Variants in GRM8 observed in about 807,000 individuals in gnomAD.
GRM8 encodes glutamate metabotropic receptor 8.
GRM8 carries 47 observed loss-of-function variants against 87.2 expected under a neutral mutation model. That is an observed-to-expected ratio of 0.54 (90% confidence interval 0.43 to 0.69). The LOEUF (loss-of-function observed/expected upper bound fraction) is 0.69, where lower values mean the gene tolerates loss of function less well. Among genes scored for constraint, GRM8 ranks in the 30% least tolerant of loss-of-function variants. The pLI is 0.00. For synonymous variants in GRM8, 396 were observed against 404.5 expected (o/e 0.98, Z 0.25); for missense variants, 1,019 against 1,139.2 (o/e 0.89, Z 1.52).
chr7:126,834,108 G>T (rs1178013854), intron 6 of GRM8, among the ~76,000 whole-genome samples: 3 of 152,156 alleles, frequency 2.0e-5, no homozygotes, highest in African/African-American at 7.2e-5. Flanking sequence ...GCCAACAGAG[G>T]TGCTCCCACA....
At chr7:127,184,253 C>T (rs542883270) in intron 2 of GRM8, among the ~76,000 whole-genome samples, 1 of 151,858 alleles carries the variant, frequency 6.6e-6, no homozygotes, top group East Asian at 1.9e-4. Flanking sequence ...TAAAAATCCT[C>T]AACATATTAG....
intron 3 of GRM8, among the ~76,000 whole-genome samples, chr7:126,935,159 G>A (rs2131478070): frequency 6.6e-6 from 1 of 152,238 alleles, no homozygotes; most frequent in Admixed American, 6.5e-5. Flanking sequence ...GGAAATCTCA[G>A]TAGAATGCAA....
intron 7 of GRM8, among the ~76,000 whole-genome samples, chr7:126,630,652 T>G (rs1801166215): frequency 1.3e-5 from 2 of 151,996 alleles, no homozygotes; most frequent in Admixed American, 1.3e-4. Context: ...GCAAACTGAA[T>G]CCAGCAGCAC....
rs17865430 is a variant in GRM8 at position 126,985,672 on chromosome 7, C to T, written c.728-80989G>A. 9.4e-3 allele frequency among the ~76,000 whole-genome samples: 1,432 copies of T among 152,262 alleles called. 29 individuals carry two copies. Among genetic ancestry groups the T allele is most frequent in the African/African-American group, 0.033 (1,363 of 41,552 alleles). On this transcript the variant is annotated intron_variant, in intron 3 of 10. Transcript: ENST00000339582. ...CTCAAGGCAGTGCAGGGCAGGGCAT[C>T]ACATGGGGAGGAAACTGAGCATGCT...
chr7:126,563,000 C>T (rs1039234887), intron 8 of GRM8, among the ~76,000 whole-genome samples: 3 of 152,140 alleles, frequency 2.0e-5, no homozygotes, highest in Non-Finnish European at 2.9e-5. Context: ...ATTATTATAA[C>T]AAATGTATCC....
chr7:126,867,665 T>C (rs991280744), intron 6 of GRM8, among the ~76,000 whole-genome samples: 1 of 151,562 alleles, frequency 6.6e-6, no homozygotes. Context: ...AAAATAACAA[T>C]AATGCCAACA....
At chr7:127,005,472 G>T (rs762121741) in intron 3 of GRM8, among the ~76,000 whole-genome samples, 21 of 151,560 alleles carry the variant, frequency 1.4e-4, no homozygotes, top group Non-Finnish European at 2.5e-4. Context: ...CTAATTGATG[G>T]TTATGATATA....
chr7:127,004,477 A>G (rs1003339754), intron 3 of GRM8, among the ~76,000 whole-genome samples: 4 of 151,748 alleles, frequency 2.6e-5, no homozygotes, highest in Admixed American at 2.6e-4. Context: ...GATAGGTAAG[A>G]CAATAAATGT....
intron 6 of GRM8, among the ~76,000 whole-genome samples, chr7:126,847,922 G>A (rs1796854677): frequency 6.6e-6 from 1 of 152,154 alleles, no homozygotes; most frequent in Admixed American, 6.6e-5. Context: ...AAGACTTAAA[G>A]TGACATCATG....
intron 3 of GRM8, among the ~76,000 whole-genome samples, chr7:127,017,846 TTAAA>T (rs1370557841): frequency 6.6e-6 from 1 of 151,964 alleles, no homozygotes; most frequent in Non-Finnish European, 1.5e-5. Context: ...ACGAAAATAC[TTAAA>T]TAATGCTTAA....
intron 6 of GRM8, among the ~76,000 whole-genome samples, chr7:126,840,844 C>T (rs1189048332): frequency 6.6e-6 from 1 of 152,122 alleles, no homozygotes; most frequent in Non-Finnish European, 1.5e-5. Flanking sequence ...GAGGTTAGAG[C>T]TTGTTTTTAT....
chr7:126,455,859 C>T (rs913631367), intron 9 of GRM8, among the ~76,000 whole-genome samples: 1 of 151,368 alleles, frequency 6.6e-6, no homozygotes, highest in Non-Finnish European at 1.5e-5. Context: ...AACTGACAAC[C>T]AAGAATTAGC....
chr7:126,621,997 C>A (rs1220935286), intron 7 of GRM8, among the ~76,000 whole-genome samples: 1 of 152,158 alleles, frequency 6.6e-6, no homozygotes, highest in Non-Finnish European at 1.5e-5. Flanking sequence ...CCTCTATTCT[C>A]TTGCGCTTCT....
intron 6 of GRM8, among the ~76,000 whole-genome samples, chr7:126,819,275 TAC>T (rs3038867): frequency 1.6e-4 from 23 of 148,276 alleles, no homozygotes; most frequent in Middle Eastern, 3.5e-3. Context: ...CAGACACACA[TAC>T]ACACACACAC....
chr7:126,690,008 CTG>C (rs1479053292), intron 7 of GRM8, among the ~76,000 whole-genome samples: 2 of 152,142 alleles, frequency 1.3e-5, no homozygotes, highest in Admixed American at 6.5e-5. Context: ...AAAAGATAAA[CTG>C]TGTGTAAATA....
chr7:126,654,920 T>A (rs903221851), intron 7 of GRM8, among the ~76,000 whole-genome samples: 1 of 151,946 alleles, frequency 6.6e-6, no homozygotes, highest in Non-Finnish European at 1.5e-5. Context: ...AAGAAAAAAA[T>A]TACTATGCCA....
chr7:126,763,470 T>C (rs62479781), intron 7 of GRM8, among the ~76,000 whole-genome samples: 2,933 of 45,652 alleles, frequency 0.064, 115 homozygotes, highest in African/African-American at 0.18. Context: ...TATATATATA[T>C]ATACACACAC....
chr7:126,582,252 T>C (rs1042557491), intron 8 of GRM8, among the ~76,000 whole-genome samples: 1 of 152,174 alleles, frequency 6.6e-6, no homozygotes, highest in African/African-American at 2.4e-5. Context: ...GAGAAAGTTT[T>C]AGTGGTCTGG....
chr7:127,194,422 T>G (rs972636879), intron 2 of GRM8, among the ~76,000 whole-genome samples: 1 of 152,188 alleles, frequency 6.6e-6, no homozygotes, highest in African/African-American at 2.4e-5. Flanking sequence ...CTTCTAAATA[T>G]CCATTCTACT....
Sources: allele counts gnomAD v4.1 joint callset (sites outside exome capture counted in the v4.1 genomes callset), GRCh38; gene constraint gnomAD v4.1.1; transcripts MANE v1.5; gene names NCBI Gene and HGNC (gene_info 2026-07-23, HGNC 2026-07-21).